PHACTR3: variants seen among roughly 807,000 people sequenced by gnomAD.
The protein encoded by PHACTR3 is phosphatase and actin regulator 3, also known as protein phosphatase 1, regulatory subunit 123.
A neutral mutation model predicts 66.8 loss-of-function variants in PHACTR3; 16 were observed. The observed-to-expected ratio is 0.24, with a 90% CI of 0.16 to 0.36. The LOEUF is 0.36. Ranked by LOEUF, PHACTR3 falls within the 10% of genes least tolerant of loss-of-function variation. PHACTR3 has a pLI of 1.00. For missense variants in PHACTR3, 647 were observed against 719.9 expected (o/e 0.90, Z 1.16); for synonymous variants, 323 against 292.1 (o/e 1.11, Z -1.08).
intron 1 of PHACTR3, among the ~76,000 whole-genome samples, chr20:59,627,119 A>G (rs1003587843): frequency 6.6e-6 from 1 of 152,222 alleles, no homozygotes; most frequent in Non-Finnish European, 1.5e-5. Flanking sequence ...CTGAAGGACA[A>G]TCCTCAGCTG....
chr20:59,774,459 C>A lies in PHACTR3; in HGVS notation c.1143C>A (p.Asp381Glu). The A allele has an allele frequency of 6.2e-7, 1 of 1,613,858 alleles. No individual in the cohort carries two copies. Among genetic ancestry groups the A allele is most frequent in the Non-Finnish European group, 8.5e-7 (1 of 1,179,850 alleles). Residue 381 changes from aspartate to glutamate, a missense_variant, in exon 7 of 13, where the codon GAC (aspartate) becomes GAA (glutamate). Asp to Glu is a conservative substitution (Grantham distance 45, BLOSUM62 2). Coordinates refer to ENST00000371015, the MANE Select transcript of PHACTR3 (RefSeq NM_080672.5). ...ELKDDLLLYQDEEALNDSIIS... is the reference protein window; with the variant it reads ...ELKDDLLLYQEEEALNDSIIS... ...AAGACGACTTGCTTTTGTATCAGGA[C>A]GAGGAGGCGCTGAACGACTCCATTA...
chr20:59,647,054 A>G (rs74311426), intron 1 of PHACTR3, among the ~76,000 whole-genome samples: 6,336 of 152,270 alleles, frequency 0.042, 433 homozygotes, highest in East Asian at 0.34. Flanking sequence ...TGACTAGGGT[A>G]TTAGTCTGTT....
intron 8 of PHACTR3, among the ~76,000 whole-genome samples, chr20:59,817,816 C>A (rs1345956357): frequency 6.6e-6 from 1 of 152,206 alleles, no homozygotes; most frequent in Non-Finnish European, 1.5e-5. Flanking sequence ...TTTTTAAAAG[C>A]AATGTGTGCA....
At chr20:59,717,528 T>C (rs1274612789) in intron 1 of PHACTR3, among the ~76,000 whole-genome samples, 1 of 152,144 alleles carries the variant, frequency 6.6e-6, no homozygotes, top group African/African-American at 2.4e-5. Flanking sequence ...GCATTATCAC[T>C]CAGGTTCTAG....
In PHACTR3 at chr20:59,691,417, G is replaced by A. The variant is rs74311432; in HGVS notation, c.119-51690G>A. On this transcript the variant is annotated intron_variant, in intron 1 of 12. Coordinates refer to ENST00000371015, the MANE Select transcript of PHACTR3 (RefSeq NM_080672.5). ...CAACTCCATTTATTGAATGATAATC[G>A]CTTTTCTCTGATTTTCTTGCCTCCT... is the stretch of plus-strand genomic sequence containing the variant. Among the ~76,000 whole-genome samples the A allele has an allele frequency of 1.8e-3, 267 of 152,018 alleles. 4 individuals carry two copies. In the East Asian group the frequency reaches 0.043, roughly 25 times the overall value.
rs181117055 is a variant in PHACTR3 at position 59,788,914 on chromosome 20, G to A, written c.1174+14424G>A. Among the ~76,000 whole-genome samples the A allele has an allele frequency of 8.9e-4, 135 of 152,286 alleles. 2 individuals are homozygous for A. Among genetic ancestry groups the A allele is most frequent in the Non-Finnish European group, 2.9e-4 (20 of 68,028 alleles). ...ATGATGTATGTGTCAGGCATGGCAG[G>A]GAGAGTTTGCCCTCAAGACCCCCAG... On this transcript the variant is annotated intron_variant, in intron 7 of 12. Transcript: ENST00000371015.
chr20:59,637,875 T>C (rs1476796718), intron 1 of PHACTR3, among the ~76,000 whole-genome samples: 1 of 152,196 alleles, frequency 6.6e-6, no homozygotes, highest in African/African-American at 2.4e-5. Flanking sequence ...GGACTGCTTT[T>C]ATCTGCCAAG....
At chr20:59,645,276 C>T (rs1420145801) in intron 1 of PHACTR3, among the ~76,000 whole-genome samples, 1 of 150,698 alleles carries the variant, frequency 6.6e-6, no homozygotes, top group Non-Finnish European at 1.5e-5. Flanking sequence ...ATCATGAGTC[C>T]CCCAAAGGCA....
At chr20:59,748,819 C>T (rs1307866088) in intron 3 of PHACTR3, among the ~76,000 whole-genome samples, 1 of 152,152 alleles carries the variant, frequency 6.6e-6, no homozygotes, top group East Asian at 1.9e-4. Context: ...CCCACTTCAG[C>T]CTTAAAATAT....
chr20:59,608,033 A>G (rs113950475), intron 1 of PHACTR3, among the ~76,000 whole-genome samples: 3,652 of 152,290 alleles, frequency 0.024, 63 homozygotes, highest in Non-Finnish European at 0.033. Context: ...GCACTCTCCT[A>G]GAAAATGTAC....
chr20:59,701,577 T>C (rs988779220), intron 1 of PHACTR3, among the ~76,000 whole-genome samples: 7 of 152,224 alleles, frequency 4.6e-5, no homozygotes, highest in Non-Finnish European at 8.8e-5. Flanking sequence ...AAAAATAGAT[T>C]TTATTTTTTA....
chr20:59,737,313 C>A (rs1455530292), intron 1 of PHACTR3, among the ~76,000 whole-genome samples: 1 of 152,124 alleles, frequency 6.6e-6, no homozygotes, highest in Non-Finnish European at 1.5e-5. Flanking sequence ...CTGTGGGGAT[C>A]CTGGTTCAGG....
chr20:59,824,532 G>T (rs192672735), intron 8 of PHACTR3, among the ~76,000 whole-genome samples: 1 of 152,326 alleles, frequency 6.6e-6, no homozygotes, highest in East Asian at 1.9e-4. Context: ...TTTCTGTAAT[G>T]GCATTGAATT....
chr20:59,775,720 G>A (rs2040515638), intron 7 of PHACTR3, among the ~76,000 whole-genome samples: 1 of 152,156 alleles, frequency 6.6e-6, no homozygotes, highest in Admixed American at 6.5e-5. Flanking sequence ...AGCCTGTGGT[G>A]TTCCCAAACT....
chr20:59,720,881 G>A (rs1317963162), intron 1 of PHACTR3, among the ~76,000 whole-genome samples: 2 of 152,146 alleles, frequency 1.3e-5, no homozygotes, highest in African/African-American at 4.8e-5. Context: ...TTTGCTTTTT[G>A]TGGTGTCCTT....
chr20:59,691,701 AT>A (rs2037114135), intron 1 of PHACTR3, among the ~76,000 whole-genome samples: 3 of 151,950 alleles, frequency 2.0e-5, no homozygotes, highest in Non-Finnish European at 2.9e-5. Context: ...CTTTAGCAGG[AT>A]TTTAGTTGTG....
chr20:59,680,806 C>A (rs1037771967), intron 1 of PHACTR3, among the ~76,000 whole-genome samples: 1 of 152,132 alleles, frequency 6.6e-6, no homozygotes, highest in Admixed American at 6.5e-5. Context: ...GGCCTCAATC[C>A]CCTGTACAGC....
intron 1 of PHACTR3, among the ~76,000 whole-genome samples, chr20:59,716,152 C>T (rs1407354249): frequency 1.3e-5 from 2 of 151,686 alleles, no homozygotes; most frequent in East Asian, 1.9e-4. Flanking sequence ...GACATTGCTT[C>T]GGGACCTTCA....
chr20:59,628,750 G>T (rs559815051), intron 1 of PHACTR3: 6 of 985,584 alleles, frequency 6.1e-6, no homozygotes, highest in Admixed American at 6.1e-5. Context: ...GGATGGATTT[G>T]TGGGACCCTG....
Sources: gnomAD v4.1 joint callset for allele counts (sites outside exome capture counted in the v4.1 genomes callset) on GRCh38, gnomAD v4.1.1 for gene constraint, MANE v1.5 for transcripts, NCBI Gene and HGNC (gene_info 2026-07-23, HGNC 2026-07-21) for gene names.